CCDC158: variants seen among roughly 807,000 people sequenced by gnomAD.
CCDC158 encodes coiled-coil domain-containing protein 158.
CCDC158 carries 116 observed loss-of-function variants against 138.6 expected under a neutral mutation model. That is an observed-to-expected ratio of 0.84 (90% confidence interval 0.72 to 0.98). CCDC158 has a LOEUF of 0.98. Among genes scored for constraint, CCDC158 ranks in the 50% least tolerant of loss-of-function variants. The pLI is 0.00. For missense variants in CCDC158, 1,265 were observed against 1,306.1 expected, an observed-to-expected ratio of 0.97 and a Z score of 0.48; for synonymous variants, 436 against 442.4, an observed-to-expected ratio of 0.99 and a Z score of 0.18.
chr4:76,373,984 T>A (rs1405689637), intron 9 of CCDC158, among the ~76,000 whole-genome samples: 1 of 151,762 alleles, frequency 6.6e-6, no homozygotes, highest in Non-Finnish European at 1.5e-5. Flanking sequence ...TGAGACCCCA[T>A]CTCTACAAAA....
At chr4:76,412,484 G>T (rs1729369280) in intron 1 of CCDC158, among the ~76,000 whole-genome samples, 1 of 152,184 alleles carries the variant, frequency 6.6e-6, no homozygotes, top group African/African-American at 2.4e-5. Context: ...ATAGTGGCCG[G>T]GCATGGTGGC....
At chr4:76,405,908 G>A (rs1728782038) in intron 2 of CCDC158, among the ~76,000 whole-genome samples, 1 of 151,814 alleles carries the variant, frequency 6.6e-6, no homozygotes, top group Non-Finnish European at 1.5e-5. Flanking sequence ...ACCAAATAAA[G>A]AAACTCTAGC....
intron 18 of CCDC158, among the ~76,000 whole-genome samples, chr4:76,346,695 C>A (rs1722581627): frequency 6.6e-6 from 1 of 152,026 alleles, no homozygotes; most frequent in African/African-American, 2.4e-5. Flanking sequence ...GGTGACAGAA[C>A]AAGACTCCGT....
chr4:76,318,869 C>T (rs757845746), intron 24 of CCDC158, among the ~76,000 whole-genome samples: 5 of 152,200 alleles, frequency 3.3e-5, no homozygotes, highest in Non-Finnish European at 7.3e-5. Context: ...GTGGCTCACA[C>T]CTGCAATCCC....
At chr4:76,341,541 T>C (rs1508336) in intron 18 of CCDC158, among the ~76,000 whole-genome samples, 128,209 of 152,238 alleles carry the variant, frequency 0.84, 54,238 homozygotes, top group South Asian at 0.94. Context: ...TCAAGCACAG[T>C]AGTAACAAAT....
At position 76,420,914 on chromosome 4, in the gene CCDC158, C is replaced by T. The variant is rs1006515754; in HGVS notation, c.-117+51G>A. Among the ~76,000 whole-genome samples, 4 of 152,166 alleles carry T rather than the reference C, an allele frequency of 2.6e-5. 1 individual carries two copies. In the South Asian group the frequency reaches 8.3e-4, roughly 31 times the overall value. Reference sequence around the variant, plus strand: ...GAGTCGCTCCGGGTCCTCAGAAGAACCCCACTCCCACCCCACCATCCTCGT... The same window carrying T: ...GAGTCGCTCCGGGTCCTCAGAAGAATCCCACTCCCACCCCACCATCCTCGT... On this transcript the variant is annotated intron_variant, in intron 1 of 24. Transcript: ENST00000682701.
intron 15 of CCDC158, among the ~76,000 whole-genome samples, chr4:76,353,571 G>T (rs1438678029): frequency 6.6e-6 from 1 of 152,150 alleles, no homozygotes; most frequent in Non-Finnish European, 1.5e-5. Flanking sequence ...CAGTGTTTTA[G>T]TGAATTAGGA....
chr4:76,313,786 CAT>C lies in CCDC158; in HGVS notation c.3278-542_3278-541del, dbSNP rs376168857. The stretch of plus-strand genomic sequence containing the variant: ...ATCTGCACATATACATGAATGTGCA[CAT>C]GTTTTATTCTTTACACAAATGAAAA... On this transcript the variant is annotated intron_variant, in intron 24 of 24. Transcript: ENST00000682701. 2.9e-3 allele frequency among the ~76,000 whole-genome samples: 447 copies of C among 152,312 alleles called. 2 individuals carry two copies. The highest frequency in any genetic ancestry group is 9.5e-3 in the African/African-American group (396 of 41,562).
chr4:76,383,661 C>A lies in CCDC158; in HGVS notation c.803+1G>T, dbSNP rs776403796. ...TTTCCATACCTCAGTCAGAAACCTA[C>A]CTATCTTGGTGTTGTTGCAGAAGTA... On this transcript the variant is annotated splice_donor_variant, in intron 7 of 24. Coordinates refer to ENST00000682701, the MANE Select transcript of CCDC158 (RefSeq NM_001394954.1). LOFTEE classifies it high-confidence loss of function. 6.2e-7 allele frequency: 1 copy of A among 1,609,186 alleles called. No homozygotes were observed. Among genetic ancestry groups the A allele is most frequent in the Admixed American group, 1.7e-5 (1 of 59,994 alleles).
chr4:76,323,291 G>C lies in CCDC158; in HGVS notation c.3277+11C>G, dbSNP rs749039685. ...GAGCGAGGAAGATCTCTCCAAAAACGTACACTGTACCTTGGTTCTTCAGCT... is the reference window on the plus strand; with the variant it reads ...GAGCGAGGAAGATCTCTCCAAAAACCTACACTGTACCTTGGTTCTTCAGCT... On this transcript the variant is annotated intron_variant, in intron 24 of 24. Coordinates refer to ENST00000682701, the MANE Select transcript of CCDC158 (RefSeq NM_001394954.1). The C allele has an allele frequency of 1.3e-5, 21 of 1,586,710 alleles. No individual in the cohort carries two copies. The highest frequency in any genetic ancestry group is 1.6e-5 in the Non-Finnish European group (19 of 1,159,546).
chr4:76,391,051 A>T (rs1727267805), intron 4 of CCDC158, among the ~76,000 whole-genome samples: 1 of 152,030 alleles, frequency 6.6e-6, no homozygotes, highest in African/African-American at 2.4e-5. Context: ...TCAACACCCC[A>T]CTTTCAGGAC....
At chr4:76,416,027 C>T (rs192530175) in intron 1 of CCDC158, among the ~76,000 whole-genome samples, 73 of 152,332 alleles carry the variant, frequency 4.8e-4, no homozygotes, top group African/African-American at 1.5e-3. Flanking sequence ...GCTCCTAGTC[C>T]GCCTTCATCT....
intron 1 of CCDC158, among the ~76,000 whole-genome samples, chr4:76,415,454 T>A (rs1729614935): frequency 1.3e-5 from 2 of 151,548 alleles, no homozygotes; most frequent in African/African-American, 4.9e-5. Context: ...TAGCAAGGAG[T>A]CTGTGGGCGG....
At chr4:76,396,873 T>C (rs1727870071) in intron 3 of CCDC158, among the ~76,000 whole-genome samples, 1 of 152,184 alleles carries the variant, frequency 6.6e-6, no homozygotes. Context: ...GTGCACACTT[T>C]ATGCTAACTG....
intron 1 of CCDC158, among the ~76,000 whole-genome samples, chr4:76,413,664 C>T (rs1210732447): frequency 1.3e-5 from 2 of 152,054 alleles, no homozygotes; most frequent in Non-Finnish European, 2.9e-5. Context: ...TGGGTGAGCA[C>T]TTGTTGAAAT....
chr4:76,332,360 T>C (rs1326251821), intron 20 of CCDC158, 72 bp downstream of exon 20: 2 of 1,295,976 alleles, frequency 1.5e-6, no homozygotes, highest in Non-Finnish European at 2.2e-6. Flanking sequence ...CCAAACAGAC[T>C]TCTCAAATTA....
Position 76,384,378 on chromosome 4 carries a change from G to T in CCDC158, c.436C>A (p.Gln146Lys). The part of the protein sequence containing the change: ...ESQSQEDLRN[Q>K]LQNTVHELEA... Reference sequence around the variant, plus strand: ...AGTTCATGAACTGTATTTTGAAGCTGATTTCTTAAATCCTCCTGGGACTGA... The same window carrying T: ...AGTTCATGAACTGTATTTTGAAGCTTATTTCTTAAATCCTCCTGGGACTGA... Residue 146 changes from glutamine (Q) to lysine (K), a missense_variant, in exon 6 of 25, where the codon CAG becomes AAG. Coordinates refer to ENST00000682701, the MANE Select transcript of CCDC158 (RefSeq NM_001394954.1). 1 of 1,613,842 alleles carries T rather than the reference G, an allele frequency of 6.2e-7. No homozygotes were observed. Among genetic ancestry groups the T allele is most frequent in the East Asian group, 2.2e-5 (1 of 44,878 alleles).
chr4:76,382,971 A>C (rs916776586), intron 7 of CCDC158, among the ~76,000 whole-genome samples: 1 of 152,322 alleles, frequency 6.6e-6, no homozygotes, highest in South Asian at 2.1e-4. Context: ...AGTAGTAAAT[A>C]TTATATGACA....
chr4:76,334,214 T>C (rs1273428551), intron 18 of CCDC158, 47 bp from the exon 19 acceptor site: 2 of 1,441,780 alleles, frequency 1.4e-6, no homozygotes, highest in African/African-American at 1.4e-5. Flanking sequence ...CAGATTTCTA[T>C]GCTATTTCCT....
Sources: gnomAD v4.1 joint callset for allele counts (sites outside exome capture counted in the v4.1 genomes callset) on GRCh38, gnomAD v4.1.1 for gene constraint, MANE v1.5 for transcripts, NCBI Gene and HGNC (gene_info 2026-07-23, HGNC 2026-07-21) for gene names.